KCNK12: variants seen among roughly 807,000 people sequenced by gnomAD.
The protein encoded by KCNK12 is potassium two pore domain channel subfamily K member 12.
In KCNK12, 6 loss-of-function variants were observed where a neutral mutation model predicts 25.3. The ratio of observed to expected loss-of-function variants is 0.24; its 90% CI spans 0.13 to 0.47. The LOEUF (loss-of-function observed/expected upper bound fraction) is 0.47, where lower values mean the gene tolerates loss of function less well. KCNK12 is among the 20% of genes least tolerant of loss of function. KCNK12 has a pLI of 0.99. For synonymous variants in KCNK12, 331 were observed against 311.1 expected (o/e 1.06, Z -0.67); for missense variants, 444 against 661.7 (o/e 0.67, Z 3.61).
chr2:47,534,435 C>CA (rs1157878570), intron 1 of KCNK12, among the ~76,000 whole-genome samples: 4 of 142,620 alleles, frequency 2.8e-5, no homozygotes, highest in Non-Finnish European at 4.6e-5. Flanking sequence ...TCTCCAGGCC[C>CA]CCCCCACCGC....
Position 47,551,452 on chromosome 2 carries a change from C to G in KCNK12, c.391+18489G>C, listed in dbSNP as rs563875564. On this transcript the variant is annotated intron_variant, in intron 1 of 1. Transcript: ENST00000327876. This position sits in a 1 kb window ranked among gnomAD's most constrained non-coding sequence, Gnocchi z 5.3. Reference sequence around the variant, plus strand: ...TTTGTATGTTTATTTTCTATCTCCCCCAACTAGAATGTTAGCTCCATAAGC... The same window carrying G: ...TTTGTATGTTTATTTTCTATCTCCCGCAACTAGAATGTTAGCTCCATAAGC... Among the ~76,000 whole-genome samples the G allele has an allele frequency of 2.6e-5, 4 of 152,330 alleles. No individual in the cohort carries two copies. The East Asian group carries it at 7.7e-4, about 29-fold the overall frequency.
At position 47,521,305 on chromosome 2, in the gene KCNK12, A is replaced by T; in HGVS notation, c.895T>A (p.Ser299Thr). 6.2e-7 allele frequency: 1 copy of T among 1,613,192 alleles called. No individual in the cohort carries two copies. The highest frequency in any genetic ancestry group is 8.5e-7 in the Non-Finnish European group (1 of 1,179,780). Reference protein sequence around the residue: ...CCIYSLFNVISILIKQVLNWM... With the variant: ...CCIYSLFNVITILIKQVLNWM... ...TTGAGCACCTGCTTGATGAGGATGG[A>T]GATGACGTTGAAGAGCGAGTAAATG... The change falls in exon 2 of 2, where the codon TCC (serine) becomes ACC (threonine). Residue 299 changes from serine (S) to threonine (T), a missense_variant. By Grantham distance (58) the Ser-to-Thr change is moderately conservative (BLOSUM62 1). Transcript: ENST00000327876.
rs1443045743 is a variant in KCNK12, at chr2:47,565,028, G to A, written c.391+4913C>T. On this transcript the variant is annotated intron_variant, in intron 1 of 1. Transcript: ENST00000327876. The surrounding 1 kb of genome is among the most constrained non-coding windows in gnomAD (Gnocchi z 5.0). ...TAAAAAAAAAAAAAAGTAGCCAGGT[G>A]TGGTGATGTGTGCCTGTGATCCCAG... 4 of 152,072 alleles carry A rather than the reference G, an allele frequency of 2.6e-5. No homozygotes were observed. The highest frequency in any genetic ancestry group is 1.3e-4 in the Admixed American group (2 of 15,270). 9.4% of individuals were successfully genotyped at this position (152,072 alleles called of 1,614,324 possible). A position where few individuals can be genotyped will look rare whatever the true frequency, so the allele number is the denominator to read the frequency against.
intron 1 of KCNK12, among the ~76,000 whole-genome samples, chr2:47,544,044 G>A (rs1184170441): frequency 6.6e-6 from 1 of 152,164 alleles, no homozygotes; most frequent in Non-Finnish European, 1.5e-5. Context: ...GCTTCCAAAG[G>A]CCAACATTCT....
chr2:47,521,880 G>A lies in KCNK12; in HGVS notation c.392-72C>T, dbSNP rs555752868. 4.0e-4 allele frequency: 454 copies of A among 1,131,932 alleles called. 16 individuals are homozygous for A. In the East Asian group the frequency reaches 5.5e-3, roughly 14 times the overall value. The allele number at this position is 1,131,932 out of a possible 1,614,324, so 70.1% of individuals were successfully genotyped here. Reference sequence around the variant, plus strand: ...TCCTCACTGGGCGAGGGTGGGGGGTGTGGGGGCGGGGGCATGCAGGTGCTT... The same window carrying A: ...TCCTCACTGGGCGAGGGTGGGGGGTATGGGGGCGGGGGCATGCAGGTGCTT... On this transcript the variant is annotated intron_variant, in intron 1 of 1. Coordinates refer to ENST00000327876, the MANE Select transcript of KCNK12 (RefSeq NM_022055.2).
In KCNK12 at chr2:47,524,797, A is replaced by T. The variant is rs143800656; in HGVS notation, c.392-2989T>A. Among the ~76,000 whole-genome samples, 418 of 152,292 alleles carry T rather than the reference A, an allele frequency of 2.7e-3. 1 individual carries two copies. The highest frequency in any genetic ancestry group is 9.1e-3 in the African/African-American group (377 of 41,562). ...ACTTCTAGACTGTTAGAACTCTCAG[A>T]TACCCAATTCTGACGTACCCATCAC... On this transcript the variant is annotated intron_variant, in intron 1 of 1. Transcript: ENST00000327876.
chr2:47,550,207 A>G (rs992765036), intron 1 of KCNK12, among the ~76,000 whole-genome samples: 2 of 152,126 alleles, frequency 1.3e-5, no homozygotes, highest in African/African-American at 4.8e-5. Flanking sequence ...ATCTTTCCAA[A>G]TTTGAGAAAA....
At position 47,512,107 on chromosome 2, in the gene KCNK12, A is replaced by G. The variant is rs796788831; in HGVS notation, c.*8800T>C. On this transcript the variant is annotated 3_prime_UTR_variant, in exon 2 of 2. Transcript: ENST00000327876. ...CTGCACCTTCAGCAGGAACCTGGCC[A>G]GTCCTTAGTGGAGGACATTTCTTTC... 3.9e-5 allele frequency among the ~76,000 whole-genome samples: 6 copies of G among 152,316 alleles called. No individual in the cohort carries two copies. The highest frequency in any genetic ancestry group is 1.4e-4 in the African/African-American group (6 of 41,588).
At position 47,557,467 on chromosome 2, in the gene KCNK12, T is replaced by C. The variant is rs577300214; in HGVS notation, c.391+12474A>G. ...TTTTAATAAATTACCCAGTCTGTGA[T>C]ATTCTGTTATGGAAGCAGAAAACAG... On this transcript the variant is annotated intron_variant, in intron 1 of 1. Transcript: ENST00000327876. This position sits in a 1 kb window ranked among gnomAD's most constrained non-coding sequence, Gnocchi z 4.9. Among the ~76,000 whole-genome samples, 1 of 152,154 alleles carries C rather than the reference T, an allele frequency of 6.6e-6. No homozygotes were observed. Among genetic ancestry groups the C allele is most frequent in the East Asian group, 1.9e-4 (1 of 5,182 alleles).
In KCNK12 at chr2:47,538,608, T is replaced by C. The variant is rs1349652749; in HGVS notation, c.392-16800A>G. On this transcript the variant is annotated intron_variant, in intron 1 of 1. Coordinates refer to ENST00000327876, the MANE Select transcript of KCNK12 (RefSeq NM_022055.2). This position sits in a 1 kb window ranked among gnomAD's most constrained non-coding sequence, Gnocchi z 4.5. ...CAACATGGTGAAACCCCGTCTCTAC[T>C]AAAAATACAAAAATTAGCCAGGCAT... Among the ~76,000 whole-genome samples, 1 of 152,102 alleles carries C rather than the reference T, an allele frequency of 6.6e-6. No individual in the cohort carries two copies. The highest frequency in any genetic ancestry group is 1.9e-4 in the East Asian group (1 of 5,186).
rs985851363 is a variant in KCNK12, at chr2:47,556,403, A to T, written c.391+13538T>A. The stretch of plus-strand genomic sequence containing the variant: ...TATTACCTCAATGGAGTGTGAAAGA[A>T]AGGTAGTTAGCAGAGAGTGAGGGGA... On this transcript the variant is annotated intron_variant, in intron 1 of 1. Coordinates refer to ENST00000327876, the MANE Select transcript of KCNK12 (RefSeq NM_022055.2). The surrounding 1 kb of genome is among the most constrained non-coding windows in gnomAD (Gnocchi z 4.8). 6.6e-6 allele frequency among the ~76,000 whole-genome samples: 1 copy of T among 152,166 alleles called. No homozygotes were observed. The highest frequency in any genetic ancestry group is 2.4e-5 in the African/African-American group (1 of 41,414).
chr2:47,521,759 G>A lies in KCNK12; in HGVS notation c.441C>T (p.Ile147=), dbSNP rs1274636697. 1.3e-6 allele frequency: 2 copies of A among 1,546,514 alleles called. No homozygotes were observed. The highest frequency in any genetic ancestry group is 8.7e-7 in the Non-Finnish European group (1 of 1,153,772). ...CAGCGCAGCCGAACAGCCCGTAGGC[G>A]ATGAGGAAGGCCTTCCCGCCCACCG... ...PATVGGKAFL[I]AYGLFGCAGT... is the part of the protein sequence containing the mutation. Residue 147 remains isoleucine (I), a synonymous_variant, in exon 2 of 2, where the codon ATC becomes ATT. Coordinates refer to ENST00000327876, the MANE Select transcript of KCNK12 (RefSeq NM_022055.2).
In KCNK12 at chr2:47,565,588, A is replaced by G. The variant is rs114022769; in HGVS notation, c.391+4353T>C. The G allele has an allele frequency of 6.6e-6, 1 of 152,364 alleles. No homozygotes were observed. The highest frequency in any genetic ancestry group is 1.5e-5 in the Non-Finnish European group (1 of 68,032). 9.4% of individuals were successfully genotyped at this position (152,364 alleles called of 1,614,324 possible). On this transcript the variant is annotated intron_variant, in intron 1 of 1. Transcript: ENST00000327876. This position sits in a 1 kb window ranked among gnomAD's most constrained non-coding sequence, Gnocchi z 5.0. ...AGGAAGCAAAAATATTTCTGTTTAT[A>G]TCAAGCTGCCATTTGAGAAAGATTT... is the stretch of plus-strand genomic sequence containing the variant.
chr2:47,549,731 C>T (rs866953158), intron 1 of KCNK12, among the ~76,000 whole-genome samples: 18 of 152,170 alleles, frequency 1.2e-4, no homozygotes, highest in Middle Eastern at 3.4e-3. Context: ...GTCAGGAGTT[C>T]GAGACCAGCC....
rs1051119891 is a variant in KCNK12 at position 47,538,625 on chromosome 2, G to T, written c.392-16817C>A. 6.6e-6 allele frequency among the ~76,000 whole-genome samples: 1 copy of T among 152,136 alleles called. No homozygotes were observed. Among genetic ancestry groups the T allele is most frequent in the Non-Finnish European group, 1.5e-5 (1 of 68,024 alleles). On this transcript the variant is annotated intron_variant, in intron 1 of 1. Coordinates refer to ENST00000327876, the MANE Select transcript of KCNK12 (RefSeq NM_022055.2). The surrounding 1 kb of genome is among the most constrained non-coding windows in gnomAD (Gnocchi z 4.5). ...GTCTCTACTAAAAATACAAAAATTAGCCAGGCATGGTGGTGCATGCCTGTA... is the reference window on the plus strand; with the variant it reads ...GTCTCTACTAAAAATACAAAAATTATCCAGGCATGGTGGTGCATGCCTGTA...
chr2:47,567,834 C>T (rs186392436), intron 1 of KCNK12, among the ~76,000 whole-genome samples: 1 of 152,340 alleles, frequency 6.6e-6, no homozygotes, highest in East Asian at 1.9e-4. Context: ...CTCCTTTCCA[C>T]TTGACTAAAG....
intron 1 of KCNK12, chr2:47,535,234 G>T (rs1178773151): frequency 2.6e-5 from 6 of 233,072 alleles, no homozygotes; most frequent in Middle Eastern, 1.2e-3. Flanking sequence ...CTGCAGCCAG[G>T]GAGGTGCTCT....
rs182170160 is a variant in KCNK12 at position 47,515,986 on chromosome 2, G to C, written c.*4921C>G. Among the ~76,000 whole-genome samples the C allele has an allele frequency of 6.6e-6, 1 of 152,076 alleles. No homozygotes were observed. Among genetic ancestry groups the C allele is most frequent in the South Asian group, 2.1e-4 (1 of 4,820 alleles). On this transcript the variant is annotated 3_prime_UTR_variant, in exon 2 of 2. Coordinates refer to ENST00000327876, the MANE Select transcript of KCNK12 (RefSeq NM_022055.2). ...AATTGTGGAGGACTTTACACTTTTCGGAGTTCCTAGCCCCTCACTTATTTC... is the reference window on the plus strand; with the variant it reads ...AATTGTGGAGGACTTTACACTTTTCCGAGTTCCTAGCCCCTCACTTATTTC...
At position 47,509,658 on chromosome 2, in the gene KCNK12, G is replaced by T. The variant is rs561986822; in HGVS notation, c.*11249C>A. Among the ~76,000 whole-genome samples the T allele has an allele frequency of 2.6e-5, 4 of 152,360 alleles. No homozygotes were observed. Among genetic ancestry groups the T allele is most frequent in the Non-Finnish European group, 5.9e-5 (4 of 68,038 alleles). The stretch of plus-strand genomic sequence containing the variant: ...GGTCATCAGTGTCAGAGAGCTAGGT[G>T]GCCAGGTTGGAGTTGATTGCCAATG... On this transcript the variant is annotated 3_prime_UTR_variant, in exon 2 of 2. Transcript: ENST00000327876.
Sources: allele counts gnomAD v4.1 joint callset (sites outside exome capture counted in the v4.1 genomes callset), GRCh38; gene constraint gnomAD v4.1.1; non-coding constraint Gnocchi (gnomAD v3.1); transcripts MANE v1.5; gene names NCBI Gene and HGNC (gene_info 2026-07-23, HGNC 2026-07-21).